Variants in ERI2 observed in about 807,000 individuals in gnomAD.
The protein encoded by ERI2 is ERI1 exoribonuclease 2.
ERI2 carries 35 observed loss-of-function variants against 46.8 expected under a neutral mutation model. The ratio of observed to expected loss-of-function variants is 0.75; its 90% CI spans 0.57 to 0.99. The LOEUF is 0.99. Ranked by LOEUF, ERI2 falls within the 50% of genes least tolerant of loss-of-function variation. The pLI is 0.00. For missense variants in ERI2, 695 were observed against 796.2 expected (o/e 0.87, Z 1.53); for synonymous variants, 224 against 271.0 (o/e 0.83, Z 1.70).
Position 20,800,298 on chromosome 16 carries a change from T to C in ERI2, c.561+4A>G. 3 of 1,591,304 alleles carry C rather than the reference T, an allele frequency of 1.9e-6. No individual in the cohort carries two copies. Among genetic ancestry groups the C allele is most frequent in the Non-Finnish European group, 2.6e-6 (3 of 1,164,056 alleles). The stretch of plus-strand genomic sequence containing the variant: ...GTAAACATGCCCCCATTTTTTACCA[T>C]TACCTTGTAAGTTGCTCTGAGATCA... On this transcript the variant is annotated splice_donor_region_variant and intron_variant, in intron 6 of 8. Transcript: ENST00000357967.
At chr16:20,785,198 AG>A (rs1381046152) in intron 10 of ERI2, 2 of 1,524,630 alleles carry the variant, frequency 1.3e-6, no homozygotes, top group Non-Finnish European at 1.8e-6. Context: ...TGATTATTTG[AG>A]GGATAGGAGT....
rs749288358 is a variant in ERI2 at position 20,790,901 on chromosome 16, T to C, written c.764A>G (p.Asn255Ser). ...CTGGTCCCCTGAGGCCAGATCACTGTTCCAGGTCCACGAAGGCAAGAGGAA... is the reference window on the plus strand; with the variant it reads ...CTGGTCCCCTGAGGCCAGATCACTGCTCCAGGTCCACGAAGGCAAGAGGAA... The change falls in exon 9 of 11, where the codon AAC becomes AGC. Residue 255 changes from asparagine to serine, a missense_variant. By Grantham distance (46) the Asn-to-Ser change is conservative. Transcript: ENST00000300005. This position sits in a 1 kb window ranked among gnomAD's most constrained non-coding sequence, Gnocchi z 4.0. 6.8e-6 allele frequency: 11 copies of C among 1,614,064 alleles called. No homozygotes were observed. The highest frequency in any genetic ancestry group is 6.8e-6 in the Non-Finnish European group (8 of 1,179,976).
intron 7 of ERI2, 72 bp from the exon 8 acceptor site, chr16:20,799,423 TAAAAAG>T (rs2080772273): frequency 1.4e-6 from 2 of 1,408,526 alleles, no homozygotes; most frequent in South Asian, 1.3e-5. Context: ...AGAAATAACT[TAAAAAG>T]AAAAACACCA....
chr16:20,796,621 G>A lies in ERI2; in HGVS notation c.*1103C>T. The A allele has an allele frequency of 6.6e-7, 1 of 1,517,964 alleles. No homozygotes were observed. The highest frequency in any genetic ancestry group is 2.4e-4 in the Middle Eastern group (1 of 4,160). The allele number at this position is 1,517,964 out of a possible 1,614,324, so 94.0% of individuals were successfully genotyped here. ...TCCCAAACTGAACTGATGACATATG[G>A]GTAAGAATCAGAATCTTTGAGATTA... is the stretch of plus-strand genomic sequence containing the variant. On this transcript the variant is annotated 3_prime_UTR_variant, in exon 9 of 9. Coordinates refer to ENST00000357967, the MANE Select transcript of ERI2 (RefSeq NM_001142725.2).
intron 10 of ERI2, among the ~76,000 whole-genome samples, chr16:20,782,783 G>A (rs1191535568): frequency 6.6e-6 from 1 of 152,172 alleles, no homozygotes; most frequent in Non-Finnish European, 1.5e-5. Flanking sequence ...GGCTCACAGA[G>A]TGCAAGAAAA....
chr16:20,787,759 T>G (rs182233434), intron 10 of ERI2, among the ~76,000 whole-genome samples: 1 of 152,370 alleles, frequency 6.6e-6, no homozygotes, highest in East Asian at 1.9e-4. Context: ...TGCTATTCAC[T>G]GTCTGAGTGT....
Position 20,798,377 on chromosome 16 carries a change from C to A in ERI2, c.1423G>T (p.Val475Leu), listed in dbSNP as rs1410255715. Residue 475 changes from valine (V) to leucine (L), a missense_variant, in exon 9 of 9, where the codon GTG (valine) becomes TTG (leucine). Physicochemically the swap from Val to Leu is conservative, Grantham distance 32. Coordinates refer to ENST00000357967, the MANE Select transcript of ERI2 (RefSeq NM_001142725.2). ...ATAGTAGTGTGAGGACTCTTGTACACAATAGACTTAGAAGTCTCAGATTTT... is the reference window on the plus strand; with the variant it reads ...ATAGTAGTGTGAGGACTCTTGTACAAAATAGACTTAGAAGTCTCAGATTTT... ...PQKSETSKSI[V>L]YKSPHTTIYN... 1 of 1,551,264 alleles carries A rather than the reference C, an allele frequency of 6.4e-7. No individual in the cohort carries two copies. Among genetic ancestry groups the A allele is most frequent in the Non-Finnish European group, 8.7e-7 (1 of 1,146,824 alleles).
downstream of ERI2, among the ~76,000 whole-genome samples, chr16:20,794,794 A>G (rs1189216961): frequency 6.6e-6 from 1 of 152,154 alleles, no homozygotes; most frequent in Non-Finnish European, 1.5e-5. Flanking sequence ...AGATTACCTA[A>G]CTTGTCCAAC....
intron 10 of ERI2, chr16:20,781,908 C>G: frequency 1.4e-6 from 1 of 700,886 alleles, no homozygotes; most frequent in Non-Finnish European, 2.4e-6. Context: ...TTAGCAATCT[C>G]TCCTCTTCCT....
At chr16:20,794,273 G>A (rs2080670549), downstream of ERI2, among the ~76,000 whole-genome samples, 3 of 152,214 alleles carry the variant, frequency 2.0e-5, no homozygotes, top group South Asian at 6.2e-4. Flanking sequence ...ACATTGGAAT[G>A]TGAAAGACTT....
chr16:20,802,766 G>A (rs2080810097), intron 4 of ERI2, 30 bp downstream of exon 4: 1 of 1,574,712 alleles, frequency 6.4e-7, no homozygotes, highest in Non-Finnish European at 8.6e-7. Context: ...TTTTGAAACT[G>A]ACTTCTGAAT....
chr16:20,799,841 GTTTTTT>G (rs901267153), intron 7 of ERI2, 110 bp downstream of exon 7: 2 of 529,796 alleles, frequency 3.8e-6, no homozygotes, highest in Non-Finnish European at 6.8e-6. Context: ...TAGATTAGGA[GTTTTTT>G]TTTTTTAGGC....
chr16:20,786,236 A>T, intron 10 of ERI2: 1 of 1,515,580 alleles, frequency 6.6e-7, no homozygotes, highest in South Asian at 1.3e-5. Context: ...CCCCATATAA[A>T]CTTTCTTTGT....
intron 1 of ERI2, among the ~76,000 whole-genome samples, chr16:20,804,056 G>A (rs560131834): frequency 1.3e-5 from 2 of 148,966 alleles, no homozygotes; most frequent in East Asian, 2.0e-4. Context: ...GCCTCACTAT[G>A]TTACCCAGGC....
intron 1 of ERI2, among the ~76,000 whole-genome samples, chr16:20,804,569 G>A (rs914744512): frequency 3.3e-5 from 5 of 152,160 alleles, no homozygotes; most frequent in African/African-American, 1.2e-4. Flanking sequence ...AGGAGGCTAA[G>A]GTGGGAGGAT....
chr16:20,790,883 C>T lies in ERI2; in HGVS notation c.782G>A (p.Gly261Glu), dbSNP rs754616494. 3.2e-5 allele frequency: 52 copies of T among 1,613,912 alleles called. No homozygotes were observed. In the East Asian group the frequency reaches 1.1e-3, roughly 35 times the overall value. The change falls in exon 9 of 11, where the codon GGG becomes GAG. Residue 261 changes from glycine to glutamate, a missense_variant. Transcript: ENST00000300005. The surrounding 1 kb of genome is among the most constrained non-coding windows in gnomAD (Gnocchi z 4.0). ...TTGCTGAAGAAAAGCATGCTGGTCC[C>T]CTGAGGCCAGATCACTGTTCCAGGT...
intron 1 of ERI2, 29 bp downstream of exon 1, chr16:20,806,379 C>T (rs1277708649): frequency 3.1e-5 from 48 of 1,543,096 alleles, no homozygotes; most frequent in Non-Finnish European, 4.1e-5. Context: ...CGGAGCTACC[C>T]GCCCCCGACC....
chr16:20,783,021 A>G (rs1248470283), intron 10 of ERI2, among the ~76,000 whole-genome samples: 1 of 152,128 alleles, frequency 6.6e-6, no homozygotes, highest in African/African-American at 2.4e-5. Context: ...ATTGATTATT[A>G]AGTCAATCTC....
intron 1 of ERI2, among the ~76,000 whole-genome samples, chr16:20,804,327 G>T (rs1213360966): frequency 1.3e-5 from 2 of 152,146 alleles, no homozygotes; most frequent in African/African-American, 4.8e-5. Flanking sequence ...ACAAGACAAT[G>T]TAGGACATGG....
Sources: gnomAD v4.1 joint callset for allele counts (sites outside exome capture counted in the v4.1 genomes callset) on GRCh38, gnomAD v4.1.1 for gene constraint, Gnocchi (gnomAD v3.1) non-coding constraint, MANE v1.5 for transcripts, NCBI Gene and HGNC (gene_info 2026-07-23, HGNC 2026-07-21) for gene names.